Variants in LAMA2 observed in about 807,000 individuals in gnomAD.
LAMA2 encodes laminin subunit alpha-2.
Under a neutral mutation model 364.8 loss-of-function variants are expected in LAMA2, and 269 were observed. The observed-to-expected ratio is 0.74, with a 90% confidence interval of 0.67 to 0.82. LAMA2 has a LOEUF of 0.82. Ranked by LOEUF, LAMA2 falls within the 40% of genes least tolerant of loss-of-function variation. The pLI, the probability that LAMA2 is intolerant of heterozygous loss-of-function variation, is 0.00. For synonymous variants in LAMA2, 1,379 were observed against 1,370.6 expected (o/e 1.01, Z -0.14); for missense variants, 3,807 against 3,873.2 (o/e 0.98, Z 0.45).
Position 129,516,375 on chromosome 6 carries a change from T to A in LAMA2, c.*28T>A. The A allele has an allele frequency of 6.2e-7, 1 of 1,609,646 alleles. No individual in the cohort carries two copies. The highest frequency in any genetic ancestry group is 8.5e-7 in the Non-Finnish European group (1 of 1,176,554). ...AAAATAAGTGTAACCCCAGGAAGAG[T>A]CTGTCAAAACAAGTATATCAAGTAA... On this transcript the variant is annotated 3_prime_UTR_variant, in exon 65 of 65. Transcript: ENST00000421865.
chr6:129,473,281 C>T lies in LAMA2; in HGVS notation c.7368C>T (p.Asn2456=). ...EENIATSSSG[N]NFGLDLKADD... Reference sequence around the variant, plus strand: ...ATATAGCAACTTCGTCTTCTGGAAACAACTTTGGTCTTGACTTGAAAGCAG... The same window carrying T: ...ATATAGCAACTTCGTCTTCTGGAAATAACTTTGGTCTTGACTTGAAAGCAG... The change falls in exon 52 of 65, where the codon AAC becomes AAT. Residue 2456 remains asparagine, a synonymous_variant. Transcript: ENST00000421865. 6.2e-7 allele frequency: 1 copy of T among 1,611,678 alleles called. No homozygotes were observed. The highest frequency in any genetic ancestry group is 8.5e-7 in the Non-Finnish European group (1 of 1,178,246).
chr6:129,036,256 T>C (rs1786633671), intron 1 of LAMA2, among the ~76,000 whole-genome samples: 1 of 152,172 alleles, frequency 6.6e-6, no homozygotes, highest in Admixed American at 6.5e-5. Flanking sequence ...TTAATAGTTA[T>C]TTTCTTATGT....
intron 34 of LAMA2, among the ~76,000 whole-genome samples, chr6:129,375,924 A>C (rs777844215): frequency 1.3e-5 from 2 of 152,206 alleles, no homozygotes; most frequent in Non-Finnish European, 2.9e-5. Flanking sequence ...AAGAGAAATT[A>C]GCAGGTTGCC....
In LAMA2 at chr6:129,327,579, G is replaced by A. The variant is rs1412605481; in HGVS notation, c.4177-699G>A. ...CGGTTTTCATCTTCGTGCCAGAGCT[G>A]TGGACTACCTTCCAGAAAGCCAGAG... is the stretch of plus-strand genomic sequence containing the variant. On this transcript the variant is annotated intron_variant, in intron 28 of 64. Coordinates refer to ENST00000421865, the MANE Select transcript of LAMA2 (RefSeq NM_000426.4). Among the ~76,000 whole-genome samples the A allele has an allele frequency of 2.0e-5, 3 of 152,196 alleles. No individual in the cohort carries two copies. The South Asian group carries it at 6.2e-4, about 32-fold the overall frequency.
In LAMA2 at chr6:129,369,924, G is replaced by T. The variant is rs577763966; in HGVS notation, c.4893G>T (p.Arg1631Ser). The part of the protein sequence containing the change: ...HLLSPQRAPE[R>S]LIQLAEGNLN... ...TGTCACCTCAGCGGGCCCCAGAGAG[G>T]CTTATTCAGCTGGCAGAGGGCAATC... Residue 1631 changes from arginine (R) to serine (S), a missense_variant, in exon 34 of 65, where the codon AGG (arginine) becomes AGT (serine). Around this residue, in one of 3 missense-constraint regions of LAMA2, gnomAD observed 3,333 missense variants for 3,345.7 expected, o/e 1.00. Coordinates refer to ENST00000421865, the MANE Select transcript of LAMA2 (RefSeq NM_000426.4). The T allele has an allele frequency of 6.2e-7, 1 of 1,613,954 alleles. No individual in the cohort carries two copies. Among genetic ancestry groups the T allele is most frequent in the African/African-American group, 1.3e-5 (1 of 74,888 alleles).
intron 37 of LAMA2, among the ~76,000 whole-genome samples, chr6:129,397,311 T>C (rs1257954039): frequency 1.3e-5 from 2 of 152,214 alleles, no homozygotes; most frequent in African/African-American, 2.4e-5. Flanking sequence ...TTAGGTATTT[T>C]ATATGCTACA....
intron 17 of LAMA2, among the ~76,000 whole-genome samples, chr6:129,277,137 G>A (rs867215934): frequency 3.9e-5 from 6 of 152,072 alleles, no homozygotes; most frequent in South Asian, 2.1e-4. Context: ...TTCCTGTGGC[G>A]TGGTTTGGAT....
intron 37 of LAMA2, among the ~76,000 whole-genome samples, chr6:129,397,803 G>A (rs965718571): frequency 6.6e-6 from 1 of 151,852 alleles, no homozygotes; most frequent in Non-Finnish European, 1.5e-5. Context: ...AGCCAGGCGT[G>A]GTGGCAGGCA....
chr6:129,075,382 C>G (rs1240025360), intron 3 of LAMA2, among the ~76,000 whole-genome samples: 1 of 152,094 alleles, frequency 6.6e-6, no homozygotes, highest in Non-Finnish European at 1.5e-5. Context: ...TCATGATAAA[C>G]AGTTTATATT....
At chr6:129,239,697 T>A (rs188334291) in intron 12 of LAMA2, among the ~76,000 whole-genome samples, 83 of 152,252 alleles carry the variant, frequency 5.5e-4, no homozygotes, top group African/African-American at 1.9e-3. Context: ...TATTTATTTA[T>A]TTTAGATGAA....
intron 12 of LAMA2, among the ~76,000 whole-genome samples, chr6:129,245,364 G>C (rs1173426350): frequency 6.6e-6 from 1 of 152,182 alleles, no homozygotes; most frequent in Non-Finnish European, 1.5e-5. Flanking sequence ...CTCTAGCCAA[G>C]AGAACAATGA....
chr6:129,306,347 G>GTTT (rs1554267308), intron 22 of LAMA2, among the ~76,000 whole-genome samples: 3 of 125,390 alleles, frequency 2.4e-5, no homozygotes, highest in African/African-American at 3.2e-5. Context: ...CCAGAAAGGT[G>GTTT]TTTTTTTTTT....
intron 28 of LAMA2, among the ~76,000 whole-genome samples, chr6:129,323,114 C>T (rs1775068651): frequency 6.6e-6 from 1 of 152,156 alleles, no homozygotes; most frequent in Non-Finnish European, 1.5e-5. Context: ...TTCCACAACC[C>T]ATGGCCTCTA....
Position 129,192,698 on chromosome 6 carries a change from T to C in LAMA2, c.1627T>C (p.Trp543Arg). 5 of 1,614,140 alleles carry C rather than the reference T, an allele frequency of 3.1e-6. No homozygotes were observed. Among genetic ancestry groups the C allele is most frequent in the Non-Finnish European group, 4.2e-6 (5 of 1,179,966 alleles). Residue 543 changes from tryptophan (W) to arginine (R), a missense_variant, in exon 12 of 65, where the codon TGG becomes CGG. Trp to Arg is a moderately radical substitution (Grantham distance 101). This residue lies in a region of LAMA2 where 3,333 missense variants were observed against 3,345.7 expected (regional missense o/e 1.00). Transcript: ENST00000421865. ...TYGKIQDMSG[W>R]YLTDLPGRIR... is the part of the protein sequence containing the mutation. ...CTCTAAGATACAAGATATGAGTGGC[T>C]GGTATCTGACTGACCTTCCTGGCCG... is the stretch of plus-strand genomic sequence containing the variant.
At chr6:129,069,307 G>A (rs893469692) in intron 3 of LAMA2, among the ~76,000 whole-genome samples, 17 of 98,178 alleles carry the variant, frequency 1.7e-4, no homozygotes, top group Middle Eastern at 5.3e-3. Flanking sequence ...CCTTTTGGTG[G>A]AATACTGTGT....
intron 10 of LAMA2, among the ~76,000 whole-genome samples, chr6:129,189,850 A>G (rs1290877303): frequency 6.6e-6 from 1 of 152,200 alleles, no homozygotes; most frequent in Non-Finnish European, 1.5e-5. Flanking sequence ...TAAATGAAGT[A>G]GCTCAATAAC....
chr6:129,397,582 C>T (rs2114684044), intron 37 of LAMA2, among the ~76,000 whole-genome samples: 1 of 152,126 alleles, frequency 6.6e-6, no homozygotes, highest in African/African-American at 2.4e-5. Flanking sequence ...CTCCAAATTT[C>T]CATCTTTTCT....
chr6:129,109,200 ATCTGTTGAT>A, intron 4 of LAMA2, among the ~76,000 whole-genome samples: 2 of 152,032 alleles, frequency 1.3e-5, no homozygotes, highest in African/African-American at 4.8e-5. Context: ...TAAACACAGA[ATCTGTTGAT>A]TCTGTGTTGG....
At chr6:128,900,105 T>A (rs1776994317) in intron 1 of LAMA2, among the ~76,000 whole-genome samples, 2 of 152,198 alleles carry the variant, frequency 1.3e-5, no homozygotes, top group Admixed American at 1.3e-4. Flanking sequence ...AGATAATGCA[T>A]GTGCGTGAAT....
Sources: allele counts gnomAD v4.1 joint callset (sites outside exome capture counted in the v4.1 genomes callset), GRCh38; gene constraint gnomAD v4.1.1; regional missense constraint gnomAD v4.1.1; transcripts MANE v1.5; gene names NCBI Gene and HGNC (gene_info 2026-07-23, HGNC 2026-07-21).